Variants in GRIA4 observed in about 807,000 individuals in gnomAD.
The protein encoded by GRIA4 is glutamate ionotropic receptor AMPA type subunit 4.
In GRIA4, 34 loss-of-function variants were observed where a neutral mutation model predicts 104.0. That is an observed-to-expected ratio of 0.33 (90% CI 0.25 to 0.44). The LOEUF (loss-of-function observed/expected upper bound fraction) is 0.44. GRIA4 is among the 20% of genes least tolerant of loss of function. The probability of loss-of-function intolerance (pLI) is 1.00; values close to 1 mark genes in which losing one functional copy is unlikely to be tolerated. For synonymous variants in GRIA4, 386 were observed against 381.9 expected (o/e 1.01, Z -0.13); for missense variants, 750 against 1,096.5 (o/e 0.68, Z 4.46).
chr11:105,812,761 A>C (rs1943226182), intron 4 of GRIA4, among the ~76,000 whole-genome samples: 2 of 152,080 alleles, frequency 1.3e-5, no homozygotes, highest in South Asian at 4.1e-4. Context: ...ATTTTTATAG[A>C]TTTTGGAAGG....
At chr11:105,885,640 A>G (rs1946228522) in intron 5 of GRIA4, among the ~76,000 whole-genome samples, 1 of 152,240 alleles carries the variant, frequency 6.6e-6, no homozygotes, top group African/African-American at 2.4e-5. Flanking sequence ...CAACAGCCCA[A>G]TAAAAGGGTA....
intron 4 of GRIA4, among the ~76,000 whole-genome samples, chr11:105,817,321 T>C (rs796646211): frequency 1.3e-5 from 2 of 148,794 alleles, no homozygotes; most frequent in African/African-American, 5.0e-5. Flanking sequence ...ATTAAGAATT[T>C]TTGAGTATCT....
At chr11:105,667,355 G>A (rs1334832723) in intron 3 of GRIA4, among the ~76,000 whole-genome samples, 1 of 151,852 alleles carries the variant, frequency 6.6e-6, no homozygotes, top group African/African-American at 2.4e-5. Context: ...AGGCCCAAAG[G>A]GAGATGAAGA....
chr11:105,857,268 A>G (rs1945040961), intron 4 of GRIA4, among the ~76,000 whole-genome samples: 1 of 152,152 alleles, frequency 6.6e-6, no homozygotes, highest in African/African-American at 2.4e-5. Flanking sequence ...ACTCAAATCA[A>G]TAAGTGGCGT....
intron 6 of GRIA4, among the ~76,000 whole-genome samples, chr11:105,890,273 T>C (rs935785280): frequency 2.0e-5 from 3 of 152,212 alleles, no homozygotes; most frequent in Non-Finnish European, 4.4e-5. Flanking sequence ...ATATAGGTGT[T>C]CTTTAGATTC....
chr11:105,913,522 T>C, intron 10 of GRIA4: 3 of 788,664 alleles, frequency 3.8e-6, no homozygotes, highest in Non-Finnish European at 4.6e-6. Context: ...TTGATTTAAC[T>C]TTTTGTATTA....
At chr11:105,887,381 C>T (rs1049522203) in intron 5 of GRIA4, 138 bp from the exon 6 acceptor site, 13 of 488,102 alleles carry the variant, frequency 2.7e-5, no homozygotes, top group South Asian at 3.5e-5. Context: ...AACTATAGTA[C>T]GTGACTTTTA....
chr11:105,793,240 C>T (rs2135809989), intron 4 of GRIA4, among the ~76,000 whole-genome samples: 1 of 152,226 alleles, frequency 6.6e-6, no homozygotes. Flanking sequence ...TCCAGAAAGT[C>T]TCTTGAGTGC....
intron 3 of GRIA4, among the ~76,000 whole-genome samples, chr11:105,642,991 G>A (rs1231979235): frequency 1.3e-5 from 2 of 152,100 alleles, no homozygotes; most frequent in Non-Finnish European, 2.9e-5. Flanking sequence ...TTCTTCACAT[G>A]GCAGCAGCAA....
At chr11:105,931,704 GC>G (rs1377742620) in intron 13 of GRIA4, among the ~76,000 whole-genome samples, 2 of 151,380 alleles carry the variant, frequency 1.3e-5, no homozygotes, top group Non-Finnish European at 3.0e-5. Context: ...GACTCCATCT[GC>G]CCCCTCAAAA....
At chr11:105,736,489 T>C (rs958547386) in intron 3 of GRIA4, among the ~76,000 whole-genome samples, 1 of 152,116 alleles carries the variant, frequency 6.6e-6, no homozygotes, top group Non-Finnish European at 1.5e-5. Flanking sequence ...TCTTATGTAG[T>C]ACACTAAATA....
chr11:105,723,867 A>AT (rs1331223364), intron 3 of GRIA4, among the ~76,000 whole-genome samples: 2 of 152,134 alleles, frequency 1.3e-5, no homozygotes, highest in Non-Finnish European at 2.9e-5. Context: ...AATAATGGAC[A>AT]TTTTTCAAAA....
chr11:105,817,346 C>G (rs973731675), intron 4 of GRIA4, among the ~76,000 whole-genome samples: 1 of 148,602 alleles, frequency 6.7e-6, no homozygotes, highest in African/African-American at 2.5e-5. Flanking sequence ...TGGACCATGG[C>G]TTATGACTAG....
chr11:105,732,968 G>A (rs1207849646), intron 3 of GRIA4, among the ~76,000 whole-genome samples: 2 of 152,138 alleles, frequency 1.3e-5, no homozygotes, highest in Non-Finnish European at 2.9e-5. Flanking sequence ...TACCTCATTT[G>A]ATGTGTCTAA....
intron 3 of GRIA4, among the ~76,000 whole-genome samples, chr11:105,659,479 T>C (rs575213645): frequency 6.6e-6 from 1 of 152,066 alleles, no homozygotes; most frequent in African/African-American, 2.4e-5. Flanking sequence ...ACCAGCTTAA[T>C]GCTGAAGTGA....
intron 5 of GRIA4, among the ~76,000 whole-genome samples, chr11:105,867,597 T>C (rs546085901): frequency 6.6e-6 from 1 of 152,274 alleles, no homozygotes; most frequent in South Asian, 2.1e-4. Context: ...CTGTATCCCA[T>C]AACTGGTTGA....
intron 4 of GRIA4, among the ~76,000 whole-genome samples, chr11:105,756,493 C>A (rs1238640623): frequency 2.0e-5 from 3 of 151,736 alleles, no homozygotes; most frequent in Non-Finnish European, 4.4e-5. Flanking sequence ...AAATTAGAAA[C>A]AATAGCAAAA....
At chr11:105,742,857 C>T (rs1467197384) in intron 3 of GRIA4, among the ~76,000 whole-genome samples, 2 of 152,078 alleles carry the variant, frequency 1.3e-5, no homozygotes, top group Admixed American at 6.6e-5. Context: ...CTGCCTAAGC[C>T]TCCTGAGTAG....
chr11:105,847,153 G>C (rs1361630742), intron 4 of GRIA4, among the ~76,000 whole-genome samples: 1 of 152,000 alleles, frequency 6.6e-6, no homozygotes, highest in Non-Finnish European at 1.5e-5. Context: ...GAAAATTGGG[G>C]GGATGAAACT....
Sources: gnomAD v4.1 joint callset for allele counts (sites outside exome capture counted in the v4.1 genomes callset) on GRCh38, gnomAD v4.1.1 for gene constraint, MANE v1.5 for transcripts, NCBI Gene and HGNC (gene_info 2026-07-23, HGNC 2026-07-21) for gene names.